The following ADAM10 variants were observed in gnomAD, a reference collection of about 807,000 sequenced individuals.
ADAM10 encodes the protein ADAM metallopeptidase domain 10.
ADAM10 carries 17 observed loss-of-function variants against 90.1 expected under a neutral mutation model. The observed-to-expected ratio is 0.19, with a 90% CI of 0.13 to 0.28. ADAM10 has a LOEUF of 0.28. Among genes scored for constraint, ADAM10 ranks in the 10% least tolerant of loss-of-function variants. The probability of loss-of-function intolerance (pLI) is 1.00; values close to 1 mark genes in which losing one functional copy is unlikely to be tolerated. For synonymous variants in ADAM10, 310 were observed against 298.6 expected (o/e 1.04, Z -0.40); for missense variants, 610 against 914.3 (o/e 0.67, Z 4.29).
intron 5 of ADAM10, among the ~76,000 whole-genome samples, chr15:58,660,328 G>C (rs1896936594): frequency 6.6e-6 from 1 of 151,694 alleles, no homozygotes; most frequent in Non-Finnish European, 1.5e-5. Flanking sequence ...TGACAAGCTG[G>C]GCCTACAAGA....
rs766228835 is a variant in ADAM10, at chr15:58,597,479, A to T, written c.*68T>A. On this transcript the variant is annotated 3_prime_UTR_variant, in exon 16 of 16. Transcript: ENST00000260408. ...GGTTTAGTTTGGAGATGATGACTTA[A>T]TAGGTTTCTCTTTGGAGTGAAGTTT... The T allele has an allele frequency of 6.2e-7, 1 of 1,612,080 alleles. No homozygotes were observed. Among genetic ancestry groups the T allele is most frequent in the South Asian group, 1.1e-5 (1 of 90,626 alleles).
chr15:58,738,807 C>G (rs1375107606), intron 1 of ADAM10, among the ~76,000 whole-genome samples: 3 of 152,096 alleles, frequency 2.0e-5, no homozygotes, highest in African/African-American at 7.2e-5. Flanking sequence ...TTTATACAAT[C>G]TTTTTTTATT....
At chr15:58,643,188 ATATT>A (rs1896461018) in intron 7 of ADAM10, among the ~76,000 whole-genome samples, 1 of 152,100 alleles carries the variant, frequency 6.6e-6, no homozygotes, top group African/African-American at 2.4e-5. Flanking sequence ...CAGTAATTTA[ATATT>A]TATTTATTTA....
chr15:58,632,992 C>G (rs191073516), intron 9 of ADAM10, among the ~76,000 whole-genome samples: 3 of 152,188 alleles, frequency 2.0e-5, no homozygotes, highest in African/African-American at 7.2e-5. Context: ...AGAATTCTAG[C>G]ACTGTTATGC....
chr15:58,634,312 A>G (rs1037197389), intron 8 of ADAM10, among the ~76,000 whole-genome samples: 31 of 152,122 alleles, frequency 2.0e-4, no homozygotes, highest in East Asian at 5.8e-4. Flanking sequence ...AAAAAAAAAA[A>G]AAGAAGAAGA....
At chr15:58,607,242 A>G (rs1000852184) in intron 14 of ADAM10, among the ~76,000 whole-genome samples, 3 of 152,216 alleles carry the variant, frequency 2.0e-5, no homozygotes, top group Admixed American at 2.0e-4. Flanking sequence ...AGATACTTAA[A>G]CCCAAGAGAT....
intron 1 of ADAM10, among the ~76,000 whole-genome samples, chr15:58,729,329 T>C (rs1309348904): frequency 6.6e-6 from 1 of 152,250 alleles, no homozygotes; most frequent in Non-Finnish European, 1.5e-5. Flanking sequence ...TCCAATTAAA[T>C]CTTGTTCCGT....
At chr15:58,701,881 G>A (rs767389072) in intron 2 of ADAM10, among the ~76,000 whole-genome samples, 2 of 152,066 alleles carry the variant, frequency 1.3e-5, no homozygotes, top group Admixed American at 6.6e-5. Context: ...CGAGGTGGGC[G>A]GATCTCTCAA....
At chr15:58,726,770 T>C (rs1414108433) in intron 1 of ADAM10, among the ~76,000 whole-genome samples, 1 of 150,440 alleles carries the variant, frequency 6.6e-6, no homozygotes, top group Non-Finnish European at 1.5e-5. Context: ...GAGAGTGAGG[T>C]GGGAGGACTG....
At chr15:58,716,018 G>A (rs1238753553) in intron 2 of ADAM10, among the ~76,000 whole-genome samples, 1 of 152,052 alleles carries the variant, frequency 6.6e-6, no homozygotes, top group African/African-American at 2.4e-5. Context: ...ACACTAAAAT[G>A]TTTATCTAGA....
intron 2 of ADAM10, among the ~76,000 whole-genome samples, chr15:58,716,955 T>C (rs1256024713): frequency 6.6e-6 from 1 of 152,184 alleles, no homozygotes; most frequent in Non-Finnish European, 1.5e-5. Flanking sequence ...GTGTAAGTTA[T>C]TTAACTTCTC....
At chr15:58,630,745 G>T (rs1341405931) in intron 9 of ADAM10, among the ~76,000 whole-genome samples, 1 of 152,190 alleles carries the variant, frequency 6.6e-6, no homozygotes, top group Non-Finnish European at 1.5e-5. Flanking sequence ...GTATAAGAGA[G>T]AAAGAGATTT....
intron 9 of ADAM10, among the ~76,000 whole-genome samples, 200 bp downstream of exon 9, chr15:58,632,996 G>A (rs574282808): frequency 6.6e-6 from 1 of 152,280 alleles, no homozygotes; most frequent in African/African-American, 2.4e-5. Context: ...TTCTAGCACT[G>A]TTATGCTTAC....
rs201063269 is a variant in ADAM10, at chr15:58,596,698, A to C, written c.*849T>G. The C allele has an allele frequency of 1.8e-4, 27 of 152,296 alleles. No homozygotes were observed. The highest frequency in any genetic ancestry group is 6.3e-4 in the African/African-American group (26 of 41,478). The allele number at this position is 152,296 out of a possible 1,614,324, so 9.4% of individuals were successfully genotyped here. On this transcript the variant is annotated 3_prime_UTR_variant, in exon 16 of 16. Transcript: ENST00000260408. ...TAATTGAAAAATGGAATTGAATTAG[A>C]AAGTTTAAAAGACGTAAGCAGAAAC...
Position 58,646,170 on chromosome 15 carries a change from T to C in ADAM10, c.620A>G (p.Glu207Gly), listed in dbSNP as rs1313982586. 6.2e-7 allele frequency: 1 copy of C among 1,613,412 alleles called. No homozygotes were observed. Among genetic ancestry groups the C allele is most frequent in the African/African-American group, 1.3e-5 (1 of 74,922 alleles). ...PQEEHAANGP[E>G]LLRKKRTTSA... ...AGTTGTACGTTTTTTCCTCAGAAGT[T>C]CTGGACCATTAGCAGCATGTTCTTC... is the stretch of plus-strand genomic sequence containing the variant. The change falls in exon 6 of 16, where the codon GAA becomes GGA. Residue 207 changes from glutamate to glycine, a missense_variant. This residue lies in a region of ADAM10 where 310 missense variants were observed against 362.4 expected (regional missense o/e 0.86). Transcript: ENST00000260408.
At chr15:58,691,676 CTTTTTTTT>C (rs71116587) in intron 2 of ADAM10, 28 of 231,840 alleles carry the variant, frequency 1.2e-4, no homozygotes, top group African/African-American at 5.8e-4. Context: ...ACTTCTTCTT[CTTTTTTTT>C]TTTTTTTTTT....
intron 4 of ADAM10, chr15:58,672,413 A>G (rs1412387118): frequency 1.3e-5 from 2 of 153,674 alleles, no homozygotes; most frequent in East Asian, 3.8e-4. Flanking sequence ...AACTTCTCGG[A>G]ATTTTCTAAA....
chr15:58,698,969 G>A (rs565690414), intron 2 of ADAM10, among the ~76,000 whole-genome samples: 218 of 152,214 alleles, frequency 1.4e-3, no homozygotes, highest in African/African-American at 4.7e-3. Context: ...GATACAACTC[G>A]AAAAGGTCTC....
At chr15:58,629,486 A>G (rs1172012248) in intron 9 of ADAM10, 1 of 152,254 alleles carries the variant, frequency 6.6e-6, no homozygotes, top group Non-Finnish European at 1.5e-5. Context: ...ATGAATAAGC[A>G]AAACACAAAA....
Sources: gnomAD v4.1 joint callset for allele counts (sites outside exome capture counted in the v4.1 genomes callset) on GRCh38, gnomAD v4.1.1 for gene constraint, gnomAD v4.1.1 regional missense constraint, MANE v1.5 for transcripts, NCBI Gene and HGNC (gene_info 2026-07-23, HGNC 2026-07-21) for gene names.